Variants in ITPRID1 observed in about 807,000 individuals in gnomAD.
ITPRID1 encodes the protein ITPR interacting domain containing 1, also known as protein ITPRID1.
ITPRID1 carries 96 observed loss-of-function variants against 95.4 expected under a neutral mutation model. That is an observed-to-expected ratio of 1.01 (90% CI 0.85 to 1.19). ITPRID1 has a LOEUF of 1.19. Among genes scored for constraint, ITPRID1 ranks in the 50% most tolerant of loss-of-function variants. ITPRID1 has a pLI of 0.00. For missense variants in ITPRID1, 1,339 were observed against 1,252.9 expected (o/e 1.07, Z -1.04); for synonymous variants, 510 against 453.6 (o/e 1.12, Z -1.58).
At chr7:31,552,866 C>CCAGGTT (rs1784327544) in intron 2 of ITPRID1, 136 bp from the exon 3 acceptor site, 1 of 911,346 alleles carries the variant, frequency 1.1e-6, no homozygotes, top group African/African-American at 1.7e-5. Context: ...GGTGGGTGAG[C>CCAGGTT]CAGGTTCATG....
chr7:31,535,572 G>A (rs1002669268), intron 1 of ITPRID1, among the ~76,000 whole-genome samples: 7 of 151,932 alleles, frequency 4.6e-5, no homozygotes, highest in African/African-American at 1.7e-4. Flanking sequence ...TTTACTTCCT[G>A]TTAAGTCAGT....
chr7:31,658,382 G>C (rs904629917), downstream of ITPRID1: 1 of 1,508,080 alleles, frequency 6.6e-7, no homozygotes, highest in African/African-American at 1.4e-5. Context: ...CAAGACTCTG[G>C]TCTGTTGTAA....
At chr7:31,532,819 C>G (rs923829437) in intron 1 of ITPRID1, among the ~76,000 whole-genome samples, 1 of 152,196 alleles carries the variant, frequency 6.6e-6, no homozygotes, top group African/African-American at 2.4e-5. Flanking sequence ...CAGCCATTCA[C>G]AACATCTCTG....
Position 31,542,939 on chromosome 7 carries a change from A to C in ITPRID1, c.-97-6487A>C, listed in dbSNP as rs1248808349. ...TTCCTTAAAAATATTTGATTTAAGCACTTATTTTTCTTAGGCCAATTAATT... is the reference window on the plus strand; with the variant it reads ...TTCCTTAAAAATATTTGATTTAAGCCCTTATTTTTCTTAGGCCAATTAATT... On this transcript the variant is annotated intron_variant, in intron 1 of 14. Transcript: ENST00000615280. Among the ~76,000 whole-genome samples the C allele has an allele frequency of 4.6e-5, 7 of 152,190 alleles. No homozygotes were observed. The East Asian group carries it at 1.3e-3, about 29-fold the overall frequency.
chr7:31,598,391 T>A (rs1339674546), intron 10 of ITPRID1, among the ~76,000 whole-genome samples: 2 of 133,656 alleles, frequency 1.5e-5, no homozygotes, highest in East Asian at 2.1e-4. Flanking sequence ...AATTTCTTTT[T>A]TTTTTTCTTT....
At chr7:31,531,065 G>T (rs917057098) in intron 1 of ITPRID1, among the ~76,000 whole-genome samples, 2 of 152,200 alleles carry the variant, frequency 1.3e-5, no homozygotes, top group Non-Finnish European at 2.9e-5. Context: ...CCCAGAGCAG[G>T]CTCCTCCAGG....
intron 5 of ITPRID1, among the ~76,000 whole-genome samples, chr7:31,564,787 G>A (rs1450917398): frequency 2.0e-5 from 3 of 152,130 alleles, no homozygotes; most frequent in Non-Finnish European, 2.9e-5. Flanking sequence ...GGATAGCGAC[G>A]GCAGAAAATT....
chr7:31,616,257 G>A (rs1330217103), intron 10 of ITPRID1, among the ~76,000 whole-genome samples: 1 of 152,034 alleles, frequency 6.6e-6, no homozygotes, highest in African/African-American at 2.4e-5. Context: ...TTAAATGTAA[G>A]TTATTGCTAA....
intron 10 of ITPRID1, among the ~76,000 whole-genome samples, chr7:31,628,234 G>A (rs919131665): frequency 4.4e-4 from 67 of 152,052 alleles, no homozygotes; most frequent in African/African-American, 1.4e-3. Flanking sequence ...TACTCCTACC[G>A]GTGCCTCCCA....
intron 10 of ITPRID1, among the ~76,000 whole-genome samples, chr7:31,620,722 C>G (rs557213384): frequency 6.6e-6 from 1 of 151,446 alleles, no homozygotes; most frequent in Non-Finnish European, 1.5e-5. Context: ...TCCAAAGGAA[C>G]GCAGTTCCTC....
At chr7:31,599,685 TC>T (rs1242118446) in intron 10 of ITPRID1, among the ~76,000 whole-genome samples, 1 of 148,018 alleles carries the variant, frequency 6.8e-6, no homozygotes, top group Non-Finnish European at 1.5e-5. Flanking sequence ...TCTCTCTCTC[TC>T]TCTCTCTTTC....
chr7:31,609,442 T>C (rs1471144286), intron 10 of ITPRID1, among the ~76,000 whole-genome samples: 2 of 151,674 alleles, frequency 1.3e-5, no homozygotes, highest in African/African-American at 2.4e-5. Context: ...TGAAATTTTC[T>C]TTGTGGACTG....
chr7:31,656,577 G>A, downstream of ITPRID1: 2 of 671,374 alleles, frequency 3.0e-6, no homozygotes, highest in Non-Finnish European at 3.7e-6. Context: ...CCTACCGCTT[G>A]ATGAATGAAT....
intron 10 of ITPRID1, among the ~76,000 whole-genome samples, chr7:31,638,844 T>C (rs1789734212): frequency 6.6e-6 from 1 of 152,170 alleles, no homozygotes; most frequent in Non-Finnish European, 1.5e-5. Context: ...TGACCCAATC[T>C]CAGCTTACTA....
At chr7:31,651,406 T>C in intron 13 of ITPRID1, 137 bp downstream of exon 13, 1 of 1,038,606 alleles carries the variant, frequency 9.6e-7, no homozygotes, top group East Asian at 2.8e-5. Context: ...GCTTTCTTGG[T>C]CTTGTTCTTG....
chr7:31,638,255 T>C (rs1789676903), intron 10 of ITPRID1, among the ~76,000 whole-genome samples: 1 of 152,214 alleles, frequency 6.6e-6, no homozygotes, highest in Non-Finnish European at 1.5e-5. Flanking sequence ...GAACTAATTA[T>C]AACAAAGGCA....
At position 31,643,597 on chromosome 7, in the gene ITPRID1, G is replaced by T. The variant is rs1790214272; in HGVS notation, c.2227G>T (p.Val743Phe). The change falls in exon 12 of 15, where the codon GTT (valine) becomes TTT (phenylalanine). Residue 743 changes from valine to phenylalanine, a missense_variant. Val to Phe is a conservative substitution (Grantham distance 50). Transcript: ENST00000615280. The part of the protein sequence containing the change: ...TSLECTVCDP[V>F]TATETRLGTK... ...TTTAGAATGCACTGTGTGTGATCCT[G>T]TTACCGCAACAGAAACAAGACTGGG... The T allele has an allele frequency of 6.2e-7, 1 of 1,613,930 alleles. No homozygotes were observed. Among genetic ancestry groups the T allele is most frequent in the Admixed American group, 1.7e-5 (1 of 60,010 alleles).
intron 10 of ITPRID1, among the ~76,000 whole-genome samples, chr7:31,627,127 G>T (rs1401904531): frequency 6.6e-6 from 1 of 152,116 alleles, no homozygotes; most frequent in African/African-American, 2.4e-5. Flanking sequence ...TTTGGATTTT[G>T]TCCACTGGAG....
intron 8 of ITPRID1, among the ~76,000 whole-genome samples, chr7:31,577,310 G>A (rs185896726): frequency 6.6e-6 from 1 of 152,316 alleles, no homozygotes; most frequent in Admixed American, 6.5e-5. Flanking sequence ...CTCTAGCACT[G>A]TGTAGCTCTT....
Sources: gnomAD v4.1 joint callset for allele counts (sites outside exome capture counted in the v4.1 genomes callset) on GRCh38, gnomAD v4.1.1 for gene constraint, MANE v1.5 for transcripts, NCBI Gene and HGNC (gene_info 2026-07-23, HGNC 2026-07-21) for gene names.